Variants in CPAP observed in about 807,000 individuals in gnomAD.
The protein encoded by CPAP is centrosomal P4.1-associated protein.
chr13:24,926,521 C>T, the CPAP span, among the ~76,000 whole-genome samples: 1 of 152,068 alleles, frequency 6.6e-6, no homozygotes, highest in African/African-American at 2.4e-5. Flanking sequence ...ATCAGGGCTG[C>T]TTTGGCCCCA....
At chr13:24,905,078 G>GGAA in the CPAP span, among the ~76,000 whole-genome samples, 1 of 152,038 alleles carries the variant, frequency 6.6e-6, no homozygotes, top group Non-Finnish European at 1.5e-5. Context: ...TGGTAATACT[G>GGAA]GTACCTCTAG....
At chr13:24,929,307 C>T in the CPAP span, among the ~76,000 whole-genome samples, 7 of 152,374 alleles carry the variant, frequency 4.6e-5, no homozygotes, top group African/African-American at 1.7e-4. Flanking sequence ...AGCAATCCAC[C>T]TGCCTCAGCT....
the CPAP span, among the ~76,000 whole-genome samples, chr13:24,905,027 T>C: frequency 2.0e-5 from 3 of 152,194 alleles, no homozygotes; most frequent in African/African-American, 7.2e-5. Context: ...CTGACACATA[T>C]GCTTTTATAT....
the CPAP span, among the ~76,000 whole-genome samples, chr13:24,928,148 C>G: frequency 1.3e-5 from 2 of 152,244 alleles, no homozygotes; most frequent in Non-Finnish European, 2.9e-5. Flanking sequence ...ACTCACTCTT[C>G]AGCCACTAGT....
At chr13:24,905,951 C>G in the CPAP span, 1 of 1,614,150 alleles carries the variant, frequency 6.2e-7, no homozygotes, top group Non-Finnish European at 8.5e-7. Flanking sequence ...ATTTGGAACA[C>G]CTTCATCGTC....
chr13:24,905,863 G>A, the CPAP span: 1 of 1,614,134 alleles, frequency 6.2e-7, no homozygotes. Context: ...CTCTGCTGCT[G>A]ATGCCCCTCT....
the CPAP span, among the ~76,000 whole-genome samples, chr13:24,902,793 CAA>C: frequency 6.6e-6 from 1 of 152,120 alleles, no homozygotes; most frequent in East Asian, 1.9e-4. Context: ...TGCTAAAGAA[CAA>C]AGAGGCTGGG....
At chr13:24,923,960 C>T in the CPAP span, among the ~76,000 whole-genome samples, 3 of 152,138 alleles carry the variant, frequency 2.0e-5, no homozygotes, top group African/African-American at 7.2e-5. Flanking sequence ...TCCCGAGTAG[C>T]TGGGATTACA....
At chr13:24,907,175 A>C in the CPAP span, 1 of 1,613,190 alleles carries the variant, frequency 6.2e-7, no homozygotes, top group Non-Finnish European at 8.5e-7. Flanking sequence ...TCCTTTCTCC[A>C]ATAGCAGCTT....
chr13:24,929,246 G>C, the CPAP span, among the ~76,000 whole-genome samples: 77,508 of 151,978 alleles, frequency 0.51, 19,877 homozygotes, highest in South Asian at 0.61. Context: ...GTTTTTTGTA[G>C]AGATGGGGTT....
At chr13:24,885,118 C>G in the CPAP span, among the ~76,000 whole-genome samples, 2 of 152,250 alleles carry the variant, frequency 1.3e-5, no homozygotes, top group African/African-American at 4.8e-5. Context: ...AAAGATCATA[C>G]AGAGATTGTA....
the CPAP span, among the ~76,000 whole-genome samples, chr13:24,898,942 A>AT: frequency 2.6e-5 from 4 of 152,046 alleles, no homozygotes; most frequent in African/African-American, 9.7e-5. Context: ...AAATTCACCT[A>AT]TTTTTTTCTA....
At chr13:24,920,321 T>C in the CPAP span, among the ~76,000 whole-genome samples, 1 of 152,292 alleles carries the variant, frequency 6.6e-6, no homozygotes, top group Non-Finnish European at 1.5e-5. Context: ...TTAAAAGACA[T>C]AGAAGACAGT....
the CPAP span, chr13:24,889,468 A>G: frequency 4.6e-5 from 49 of 1,059,254 alleles, no homozygotes; most frequent in Non-Finnish European, 6.4e-5. Context: ...AGTGAAACTA[A>G]TAAAACTCAG....
chr13:24,894,425 C>A, the CPAP span, among the ~76,000 whole-genome samples: 1 of 152,168 alleles, frequency 6.6e-6, no homozygotes, highest in Non-Finnish European at 1.5e-5. Context: ...AAGACGGCAC[C>A]AGGATGGACA....
chr13:24,930,684 G>C, the CPAP span, among the ~76,000 whole-genome samples: 123 of 152,214 alleles, frequency 8.1e-4, no homozygotes, highest in Non-Finnish European at 1.4e-3. Flanking sequence ...TGGTGCATAT[G>C]TACCACATTT....
At chr13:24,919,711 C>G in the CPAP span, among the ~76,000 whole-genome samples, 4 of 152,028 alleles carry the variant, frequency 2.6e-5, no homozygotes, top group South Asian at 2.1e-4. Flanking sequence ...TGAGCCCCTG[C>G]GCCCAGTATT....
the CPAP span, among the ~76,000 whole-genome samples, chr13:24,898,468 G>A: frequency 6.6e-6 from 1 of 151,968 alleles, no homozygotes; most frequent in African/African-American, 2.4e-5. Flanking sequence ...GCAAGGGTTG[G>A]GGAGGAATTT....
chr13:24,896,135 TAAGG>T, the CPAP span, among the ~76,000 whole-genome samples: 2 of 152,216 alleles, frequency 1.3e-5, no homozygotes, highest in African/African-American at 4.8e-5. Flanking sequence ...CCAAATGGTG[TAAGG>T]AAGAAAAGGA....
Sources: allele counts gnomAD v4.1 joint callset (sites outside exome capture counted in the v4.1 genomes callset), GRCh38; gene constraint gnomAD v4.1.1; transcripts MANE v1.5; gene names NCBI Gene and HGNC (gene_info 2026-07-23, HGNC 2026-07-21).